GRXCR2: variants seen among roughly 807,000 people sequenced by gnomAD.
GRXCR2 encodes the protein glutaredoxin domain-containing cysteine-rich protein 2.
GRXCR2 carries 23 observed loss-of-function variants against 24.8 expected under a neutral mutation model. The ratio of observed to expected loss-of-function variants is 0.93; its 90% confidence interval spans 0.67 to 1.32. The LOEUF (loss-of-function observed/expected upper bound fraction) is 1.32. Ranked by LOEUF, GRXCR2 falls within the 40% of genes most tolerant of loss-of-function variation. The pLI is 0.00. For missense variants in GRXCR2, 315 were observed against 303.4 expected, an observed-to-expected ratio of 1.04 and a Z score of -0.28; for synonymous variants, 130 against 116.1, an observed-to-expected ratio of 1.12 and a Z score of -0.77.
chr5:145,874,564 G>C (rs895226631), upstream of GRXCR2, among the ~76,000 whole-genome samples: 1 of 152,128 alleles, frequency 6.6e-6, no homozygotes, highest in Non-Finnish European at 1.5e-5. Context: ...TGGCCCTAGG[G>C]CAAACCCTCA....
intron 2 of GRXCR2, among the ~76,000 whole-genome samples, chr5:145,889,246 A>AAGAAAGAAAGAG (rs1756828473): frequency 6.6e-6 from 1 of 150,906 alleles, no homozygotes; most frequent in Non-Finnish European, 1.5e-5. Flanking sequence ...GAAAGAAAGA[A>AAGAAAGAAAGAG]TTATGCAATG....
chr5:145,865,214 A>G (rs1756409893), intron 2 of GRXCR2, among the ~76,000 whole-genome samples: 1 of 152,158 alleles, frequency 6.6e-6, no homozygotes, highest in African/African-American at 2.4e-5. Context: ...AGTGAATCCC[A>G]CAGAAAACAT....
At chr5:145,896,966 G>T (rs1756959045) in intron 2 of GRXCR2, among the ~76,000 whole-genome samples, 1 of 152,022 alleles carries the variant, frequency 6.6e-6, no homozygotes, top group African/African-American at 2.4e-5. Context: ...AAAAAAGGAT[G>T]AGTTCATGTC....
At chr5:145,894,607 C>A (rs1756920873) in intron 2 of GRXCR2, among the ~76,000 whole-genome samples, 1 of 152,148 alleles carries the variant, frequency 6.6e-6, no homozygotes, top group African/African-American at 2.4e-5. Context: ...TCTGAATAGA[C>A]CAATAACAGG....
chr5:145,879,313 GAC>G (rs1421617784), intron 2 of GRXCR2, among the ~76,000 whole-genome samples: 2 of 145,328 alleles, frequency 1.4e-5, no homozygotes, highest in Non-Finnish European at 3.0e-5. Flanking sequence ...CACGTGCAGA[GAC>G]ACACATAGGC....
chr5:145,918,089 T>C (rs546894119), intron 2 of GRXCR2, among the ~76,000 whole-genome samples: 2 of 152,300 alleles, frequency 1.3e-5, no homozygotes, highest in South Asian at 4.1e-4. Flanking sequence ...GCTGAACTCA[T>C]TAGTCCTCAT....
At chr5:145,907,928 T>C (rs1757113737) in intron 2 of GRXCR2, among the ~76,000 whole-genome samples, 1 of 152,208 alleles carries the variant, frequency 6.6e-6, no homozygotes, top group South Asian at 2.1e-4. Context: ...AGGTGCCTGC[T>C]AGACTTCTAA....
rs550095304 is a variant in GRXCR2 at position 145,863,835 on chromosome 5, G to T, written c.564+2666C>A. On this transcript the variant is annotated intron_variant, in intron 2 of 2. Coordinates refer to ENST00000377976, the MANE Select transcript of GRXCR2 (RefSeq NM_001080516.2). Reference sequence around the variant, plus strand: ...GTGTAGAACATGAGAGAAGGTAATGGCCAAAGACTTCTTACCAGCTGGCAC... The same window carrying T: ...GTGTAGAACATGAGAGAAGGTAATGTCCAAAGACTTCTTACCAGCTGGCAC... 4.6e-5 allele frequency among the ~76,000 whole-genome samples: 7 copies of T among 152,182 alleles called. 1 individual carries two copies. In the South Asian group the frequency reaches 1.5e-3, roughly 32 times the overall value.
At chr5:145,887,605 T>C (rs75204662) in intron 2 of GRXCR2, among the ~76,000 whole-genome samples, 256 of 152,366 alleles carry the variant, frequency 1.7e-3, no homozygotes, top group African/African-American at 5.5e-3. Context: ...TCTGAGAAGA[T>C]GAAACACCTG....
At chr5:145,864,711 T>C (rs1307294052) in intron 2 of GRXCR2, among the ~76,000 whole-genome samples, 1 of 152,080 alleles carries the variant, frequency 6.6e-6, no homozygotes, top group African/African-American at 2.4e-5. Context: ...TCCTGAGGCC[T>C]CCCCAGCCAT....
intron 2 of GRXCR2, among the ~76,000 whole-genome samples, chr5:145,916,997 A>T (rs1264394583): frequency 1.3e-5 from 2 of 152,106 alleles, no homozygotes; most frequent in Non-Finnish European, 2.9e-5. Context: ...TACAGAAAAC[A>T]TACAAATCAT....
chr5:145,886,541 C>T (rs1756782639), intron 2 of GRXCR2, among the ~76,000 whole-genome samples: 1 of 152,108 alleles, frequency 6.6e-6, no homozygotes, highest in African/African-American at 2.4e-5. Context: ...GTCCTGGGGG[C>T]CCCTGGTTTG....
In GRXCR2 at chr5:145,866,134, C is replaced by CAAAA. The variant is rs71581841; in HGVS notation, c.564+363_564+366dup. On this transcript the variant is annotated intron_variant, in intron 2 of 2. Transcript: ENST00000377976. The stretch of plus-strand genomic sequence containing the variant: ...AGGCAAAAAGAGTGAAACTCCTTCT[C>CAAAA]AAAAAAAAAAAAAAAAAGAAAGAAA... Among the ~76,000 whole-genome samples the CAAAA allele has an allele frequency of 7.4e-3, 636 of 85,726 alleles. 8 individuals are homozygous for CAAAA. Among genetic ancestry groups the CAAAA allele is most frequent in the African/African-American group, 0.021 (607 of 29,236 alleles). The allele number at this position is 85,726 out of a possible 152,430, so 56.2% of individuals were successfully genotyped here.
upstream of GRXCR2, among the ~76,000 whole-genome samples, chr5:145,873,692 C>T (rs1210851851): frequency 6.6e-6 from 1 of 152,132 alleles, no homozygotes; most frequent in African/African-American, 2.4e-5. Context: ...AGGAGAAGGC[C>T]GAGGGTCCTG....
chr5:145,861,477 T>C (rs888324585), intron 2 of GRXCR2, among the ~76,000 whole-genome samples: 2 of 152,034 alleles, frequency 1.3e-5, no homozygotes, highest in African/African-American at 4.8e-5. Flanking sequence ...TTAGCAGCTC[T>C]TCCTCCAAGA....
At chr5:145,889,983 G>A (rs576095491) in intron 2 of GRXCR2, among the ~76,000 whole-genome samples, 1 of 152,348 alleles carries the variant, frequency 6.6e-6, no homozygotes, top group African/African-American at 2.4e-5. Flanking sequence ...ACAATTGAAA[G>A]CTTTGTCAAT....
intron 2 of GRXCR2, among the ~76,000 whole-genome samples, chr5:145,900,721 AG>A (rs1343505978): frequency 6.6e-6 from 1 of 152,224 alleles, no homozygotes; most frequent in Non-Finnish European, 1.5e-5. Flanking sequence ...CACTGTGGAA[AG>A]CAGTTTGGAG....
intron 2 of GRXCR2, among the ~76,000 whole-genome samples, chr5:145,889,001 C>T (rs541615009): frequency 1.1e-4 from 16 of 152,004 alleles, no homozygotes; most frequent in African/African-American, 3.4e-4. Flanking sequence ...TGGTGAAACC[C>T]TGTCTCTACT....
chr5:145,877,266 G>C (rs532566419), upstream of GRXCR2, among the ~76,000 whole-genome samples: 130 of 150,662 alleles, frequency 8.6e-4, no homozygotes, highest in African/African-American at 3.1e-3. Context: ...ATTTTTAAAA[G>C]GTTAACAAAA....
Sources: gnomAD v4.1 joint callset for allele counts (sites outside exome capture counted in the v4.1 genomes callset) on GRCh38, gnomAD v4.1.1 for gene constraint, MANE v1.5 for transcripts, NCBI Gene and HGNC (gene_info 2026-07-23, HGNC 2026-07-21) for gene names.